The following LSM14A variants were observed in gnomAD, a reference collection of about 807,000 sequenced individuals.
LSM14A encodes the protein LSM14A mRNA processing body assembly factor, also known as protein LSM14 homolog A.
Under a neutral mutation model 52.4 loss-of-function variants are expected in LSM14A, and 14 were observed. The ratio of observed to expected loss-of-function variants is 0.27; its 90% confidence interval spans 0.18 to 0.42. LSM14A has a LOEUF of 0.42. Among genes scored for constraint, LSM14A ranks in the 10% least tolerant of loss-of-function variants. The pLI, the probability that LSM14A is intolerant of heterozygous loss-of-function variation, is 1.00. For missense variants in LSM14A, 417 were observed against 581.8 expected (o/e 0.72, Z 2.91); for synonymous variants, 185 against 200.3 (o/e 0.92, Z 0.64).
At chr19:34,217,028 G>A (rs1017981896) in intron 6 of LSM14A, among the ~76,000 whole-genome samples, 5 of 152,142 alleles carry the variant, frequency 3.3e-5, no homozygotes, top group Admixed American at 6.6e-5. Context: ...TTGGGACGCC[G>A]AGGCGGGCAG....
intron 1 of LSM14A, among the ~76,000 whole-genome samples, chr19:34,174,479 A>G (rs2068942396): frequency 6.6e-6 from 1 of 152,194 alleles, no homozygotes; most frequent in African/African-American, 2.4e-5. Context: ...TTCCCTCTTC[A>G]CCTTGTGAAA....
intron 1 of LSM14A, among the ~76,000 whole-genome samples, chr19:34,192,662 A>T (rs1430198220): frequency 1.4e-5 from 2 of 142,926 alleles, no homozygotes; most frequent in Non-Finnish European, 3.0e-5. Flanking sequence ...AAAAAAAAAA[A>T]AAAAAGCGTA....
intron 8 of LSM14A, among the ~76,000 whole-genome samples, chr19:34,221,156 C>T (rs543495140): frequency 8.7e-4 from 130 of 148,738 alleles, no homozygotes; most frequent in African/African-American, 3.0e-3. Context: ...GATCTCGACT[C>T]ACTGCAACCT....
chr19:34,187,900 G>GT (rs1191667551), intron 1 of LSM14A, among the ~76,000 whole-genome samples: 1 of 151,834 alleles, frequency 6.6e-6, no homozygotes, highest in East Asian at 1.9e-4. Context: ...GTTGTTGTTT[G>GT]TTTTTTTAAT....
At chr19:34,179,543 AC>A (rs1406992540) in intron 1 of LSM14A, among the ~76,000 whole-genome samples, 1 of 152,180 alleles carries the variant, frequency 6.6e-6, no homozygotes, top group Non-Finnish European at 1.5e-5. Flanking sequence ...TATTATTGTT[AC>A]ATAGTCCGCA....
chr19:34,222,316 C>T (rs1227670065), intron 9 of LSM14A, among the ~76,000 whole-genome samples: 1 of 152,200 alleles, frequency 6.6e-6, no homozygotes, highest in Non-Finnish European at 1.5e-5. Context: ...CTGGTTTTCT[C>T]CTTTCACCAT....
At chr19:34,197,164 T>C (rs559489735) in intron 3 of LSM14A, among the ~76,000 whole-genome samples, 3 of 152,254 alleles carry the variant, frequency 2.0e-5, no homozygotes, top group African/African-American at 4.8e-5. Flanking sequence ...CTATCTTGGC[T>C]CACTACAACT....
chr19:34,212,529 A>G (rs115335985), intron 4 of LSM14A, among the ~76,000 whole-genome samples: 1,713 of 152,348 alleles, frequency 0.011, 31 homozygotes, highest in African/African-American at 0.039. Context: ...AAAGAGGTGT[A>G]TTTACATAAA....
intron 3 of LSM14A, among the ~76,000 whole-genome samples, chr19:34,199,174 G>C (rs1391720837): frequency 6.6e-6 from 1 of 151,758 alleles, no homozygotes; most frequent in African/African-American, 2.4e-5. Context: ...ACCCAGGCTG[G>C]AGTGCAGTGG....
At chr19:34,198,902 G>C (rs1473937912) in intron 3 of LSM14A, among the ~76,000 whole-genome samples, 2 of 151,902 alleles carry the variant, frequency 1.3e-5, no homozygotes, top group Non-Finnish European at 2.9e-5. Flanking sequence ...CAGGAGCATG[G>C]CGTGAACCCA....
Position 34,196,722 on chromosome 19 carries a change from C to A in LSM14A, c.374C>A (p.Pro125Gln). The A allele has an allele frequency of 6.2e-7, 1 of 1,612,744 alleles. No homozygotes were observed. The highest frequency in any genetic ancestry group is 2.2e-5 in the East Asian group (1 of 44,756). The change falls in exon 3 of 10, where the codon CCG (proline) becomes CAG (glutamine). Residue 125 changes from proline (P) to glutamine (Q), a missense_variant. Around this residue, in one of 2 missense-constraint regions of LSM14A, gnomAD observed 357 missense variants for 457.0 expected, o/e 0.78. Coordinates refer to ENST00000544216, the MANE Select transcript of LSM14A (RefSeq NM_015578.4). ...GRMPTYSQFS[P>Q]SSLVGQQFGA... is the part of the protein sequence containing the mutation. ...ATGCCCACATACAGTCAGTTCAGTC[C>A]GAGTTCCTTAGTTGGGCAGCAGTTT...
At chr19:34,215,554 T>G in intron 5 of LSM14A, 42 bp from the exon 6 acceptor site, 2 of 1,484,698 alleles carry the variant, frequency 1.3e-6, no homozygotes, top group Non-Finnish European at 1.9e-6. Context: ...TTTGATGATG[T>G]ACCCTGAGTT....
intron 9 of LSM14A, among the ~76,000 whole-genome samples, chr19:34,224,682 A>G (rs575795331): frequency 6.6e-6 from 1 of 152,290 alleles, no homozygotes; most frequent in African/African-American, 2.4e-5. Flanking sequence ...ATTTGGCCTC[A>G]TTCCTCATTA....
At chr19:34,178,247 A>G (rs2069222141) in intron 1 of LSM14A, among the ~76,000 whole-genome samples, 1 of 152,160 alleles carries the variant, frequency 6.6e-6, no homozygotes, top group Non-Finnish European at 1.5e-5. Flanking sequence ...ACACCACATA[A>G]TCAAAAGCCT....
intron 1 of LSM14A, among the ~76,000 whole-genome samples, chr19:34,189,338 C>G (rs1441304328): frequency 6.6e-6 from 1 of 152,106 alleles, no homozygotes; most frequent in Non-Finnish European, 1.5e-5. Flanking sequence ...TTTAGTGGAC[C>G]TTCAAATCCA....
intron 3 of LSM14A, 69 bp downstream of exon 3, chr19:34,196,832 A>G: frequency 7.5e-7 from 1 of 1,336,396 alleles, no homozygotes; most frequent in Non-Finnish European, 1.0e-6. Flanking sequence ...AGGTATAGAA[A>G]CTCAACACCA....
chr19:34,203,813 A>G (rs932869840), intron 3 of LSM14A, among the ~76,000 whole-genome samples: 15 of 151,194 alleles, frequency 9.9e-5, no homozygotes, highest in Admixed American at 2.6e-4. Flanking sequence ...AAAAAAAAAA[A>G]AAAGAAAGAA....
At chr19:34,203,478 C>A (rs1389248801) in intron 3 of LSM14A, among the ~76,000 whole-genome samples, 1 of 152,036 alleles carries the variant, frequency 6.6e-6, no homozygotes, top group Non-Finnish European at 1.5e-5. Flanking sequence ...GGGGGTGTTT[C>A]AACCATTATG....
intron 3 of LSM14A, among the ~76,000 whole-genome samples, chr19:34,207,335 A>G (rs1464216628): frequency 6.6e-6 from 1 of 152,124 alleles, no homozygotes; most frequent in African/African-American, 2.4e-5. Flanking sequence ...TCACCCAGGA[A>G]TACTAGAAAT....
Sources: allele counts gnomAD v4.1 joint callset (sites outside exome capture counted in the v4.1 genomes callset), GRCh38; gene constraint gnomAD v4.1.1; regional missense constraint gnomAD v4.1.1; transcripts MANE v1.5; gene names NCBI Gene and HGNC (gene_info 2026-07-23, HGNC 2026-07-21).